The following TRPM3 variants were observed in gnomAD, a reference collection of about 807,000 sequenced individuals.
TRPM3 encodes the protein long transient receptor potential channel 3.
In TRPM3, 77 loss-of-function variants were observed where a neutral mutation model predicts 181.2. The ratio of observed to expected loss-of-function variants is 0.42; its 90% CI spans 0.35 to 0.51. TRPM3 has a LOEUF of 0.51. Among genes scored for constraint, TRPM3 ranks in the 20% least tolerant of loss-of-function variants. The probability of loss-of-function intolerance (pLI) is 0.01; values close to 1 mark genes in which losing one functional copy is unlikely to be tolerated. For missense variants in TRPM3, 1,759 were observed against 2,196.7 expected, an observed-to-expected ratio of 0.80 and a Z score of 3.98; for synonymous variants, 745 against 796.4, an observed-to-expected ratio of 0.94 and a Z score of 1.09.
rs2040512668 is a variant in TRPM3, at chr9:70,529,116, TTCA to T, written c.*6834_*6836del. 1 of 152,124 alleles carries T rather than the reference TTCA, an allele frequency of 6.6e-6. No individual in the cohort carries two copies. The highest frequency in any genetic ancestry group is 1.5e-5 in the Non-Finnish European group (1 of 68,024). 9.4% of individuals were successfully genotyped at this position (152,124 alleles called of 1,614,324 possible). A position where few individuals can be genotyped will look rare whatever the true frequency, so the allele number is the denominator to read the frequency against. On this transcript the variant is annotated 3_prime_UTR_variant, in exon 26 of 26. Transcript: ENST00000677713. ...ATTGCAAAACATTTGTTACAGAAATTTCAGAAAGTTTTTCCCGTGGTATCTGCC... is the reference window on the plus strand; with the variant it reads ...ATTGCAAAACATTTGTTACAGAAATTGAAAGTTTTTCCCGTGGTATCTGCC...
chr9:71,382,310 T>C (rs1269427742), intron 1 of TRPM3, among the ~76,000 whole-genome samples: 3 of 152,182 alleles, frequency 2.0e-5, no homozygotes, highest in East Asian at 1.9e-4. Context: ...GGATTTACCA[T>C]GTGCCAAATG....
chr9:71,084,020 G>T (rs1351674507), intron 1 of TRPM3, among the ~76,000 whole-genome samples: 1 of 151,948 alleles, frequency 6.6e-6, no homozygotes, highest in Non-Finnish European at 1.5e-5. Context: ...GAAGTGATGT[G>T]TACTCAGTCT....
At chr9:71,042,427 ATG>A (rs879925434) in intron 1 of TRPM3, among the ~76,000 whole-genome samples, 133 of 152,334 alleles carry the variant, frequency 8.7e-4, no homozygotes, top group Middle Eastern at 3.4e-3. Context: ...ACCAAAATAG[ATG>A]GCATTTACAT....
intron 9 of TRPM3, among the ~76,000 whole-genome samples, chr9:70,650,931 T>G (rs2059524185): frequency 1.3e-5 from 2 of 152,222 alleles, no homozygotes; most frequent in South Asian, 4.1e-4. Context: ...TCAATAAGAT[T>G]AAAAATTTTT....
chr9:71,388,447 A>C (rs190024892), intron 1 of TRPM3, among the ~76,000 whole-genome samples: 2 of 152,282 alleles, frequency 1.3e-5, no homozygotes, highest in East Asian at 3.9e-4. Context: ...ACGGAGCCTT[A>C]GTGTACATGC....
chr9:71,446,750 C>T (rs1387913211), exon 1 of TRPM3: 1 of 1,550,450 alleles, frequency 6.4e-7, no homozygotes. Flanking sequence ...GCTGGCGCTC[C>T]GGCTGCGTCT....
At chr9:70,651,862 G>C (rs2059637208) in intron 9 of TRPM3, among the ~76,000 whole-genome samples, 1 of 152,196 alleles carries the variant, frequency 6.6e-6, no homozygotes, top group Non-Finnish European at 1.5e-5. Flanking sequence ...GAAGGATTTT[G>C]TAGGTAGAAG....
chr9:71,178,989 A>C (rs1290331391), intron 1 of TRPM3, among the ~76,000 whole-genome samples: 1 of 152,202 alleles, frequency 6.6e-6, no homozygotes, highest in African/African-American at 2.4e-5. Context: ...TTAACATTTT[A>C]AAGAACAGTT....
intron 1 of TRPM3, among the ~76,000 whole-genome samples, chr9:71,424,874 C>T (rs2093835936): frequency 6.6e-6 from 1 of 152,140 alleles, no homozygotes; most frequent in Non-Finnish European, 1.5e-5. Flanking sequence ...TCCATGACCT[C>T]ACTTGTCATT....
chr9:70,782,645 AAATAT>A (rs1242902944), intron 7 of TRPM3, among the ~76,000 whole-genome samples: 1 of 152,148 alleles, frequency 6.6e-6, no homozygotes, highest in Non-Finnish European at 1.5e-5. Flanking sequence ...ATTTACTATA[AAATAT>A]AATAGTAATT....
chr9:70,647,799 G>T (rs2133731513), intron 9 of TRPM3, among the ~76,000 whole-genome samples: 1 of 152,232 alleles, frequency 6.6e-6, no homozygotes, highest in African/African-American at 2.4e-5. Context: ...AAATCCCATG[G>T]TCTATGCCCA....
intron 1 of TRPM3, chr9:71,446,576 G>T: frequency 6.9e-7 from 1 of 1,452,848 alleles, no homozygotes; most frequent in Non-Finnish European, 9.3e-7. Flanking sequence ...GGCAAGTTCA[G>T]CACCATGGAA....
chr9:71,180,352 G>C (rs988909764), intron 1 of TRPM3, among the ~76,000 whole-genome samples: 4 of 152,106 alleles, frequency 2.6e-5, no homozygotes, highest in Non-Finnish European at 5.9e-5. Context: ...ACTTCACCCA[G>C]CCTATCATAC....
At chr9:70,672,153 A>T (rs763239767) in intron 9 of TRPM3, among the ~76,000 whole-genome samples, 59 of 152,056 alleles carry the variant, frequency 3.9e-4, no homozygotes, top group Admixed American at 7.9e-4. Context: ...GGGAACCAAA[A>T]ACCCTGACAT....
In TRPM3 at chr9:70,533,448, C is replaced by A. The variant is rs1222465627; in HGVS notation, c.*2505G>T. 1 of 152,188 alleles carries A rather than the reference C, an allele frequency of 6.6e-6. No individual in the cohort carries two copies. The highest frequency in any genetic ancestry group is 2.4e-5 in the African/African-American group (1 of 41,444). 9.4% of individuals were successfully genotyped at this position (152,188 alleles called of 1,614,324 possible). On this transcript the variant is annotated 3_prime_UTR_variant, in exon 26 of 26. Coordinates refer to ENST00000677713, the MANE Select transcript of TRPM3 (RefSeq NM_001366145.2). ...GCTGAGATTTGGCCTTCCTGAGAAT[C>A]ACAGAGAGATGGTCTCAAATGTAAA...
At chr9:70,937,961 T>C (rs986657961) in intron 1 of TRPM3, among the ~76,000 whole-genome samples, 43 of 152,220 alleles carry the variant, frequency 2.8e-4, no homozygotes, top group Non-Finnish European at 8.8e-5. Flanking sequence ...GTTCTCTCTT[T>C]TGCCCCTCTC....
chr9:70,663,419 T>C (rs1323876995), intron 9 of TRPM3, among the ~76,000 whole-genome samples: 2 of 152,086 alleles, frequency 1.3e-5, no homozygotes, highest in Non-Finnish European at 2.9e-5. Flanking sequence ...AACTACTGAG[T>C]GTTCAAAAAT....
intron 1 of TRPM3, among the ~76,000 whole-genome samples, chr9:71,408,991 A>T (rs577560397): frequency 6.6e-6 from 1 of 152,314 alleles, no homozygotes; most frequent in African/African-American, 2.4e-5. Context: ...AGAATTTCAT[A>T]TCCAGCCAAA....
chr9:71,074,211 T>A (rs1281351081), intron 1 of TRPM3, among the ~76,000 whole-genome samples: 1 of 152,242 alleles, frequency 6.6e-6, no homozygotes, highest in African/African-American at 2.4e-5. Flanking sequence ...AATATTTTAC[T>A]ATTTTCCGTG....
Sources: gnomAD v4.1 joint callset for allele counts (sites outside exome capture counted in the v4.1 genomes callset) on GRCh38, gnomAD v4.1.1 for gene constraint, MANE v1.5 for transcripts, NCBI Gene and HGNC (gene_info 2026-07-23, HGNC 2026-07-21) for gene names.